The following ADAT3 variants were observed in gnomAD, a reference collection of about 807,000 sequenced individuals.
ADAT3 encodes the protein adenosine deaminase tRNA specific 3, also known as tRNA-specific adenosine-34 deaminase regulatory subunit ADAT3.
ADAT3 carries 2 observed loss-of-function variants against 3.5 expected under a neutral mutation model. The observed-to-expected ratio is 0.57, with a 90% CI of 0.23 to 1.79. The LOEUF (loss-of-function observed/expected upper bound fraction) is 1.79. Among genes scored for constraint, ADAT3 ranks in the 40% most tolerant of loss-of-function variants. The pLI is 0.18. For missense variants in ADAT3, 735 were observed against 571.4 expected (o/e 1.29, Z -2.92); for synonymous variants, 358 against 270.3 (o/e 1.32, Z -3.18).
In ADAT3 at chr19:1,912,348, G is replaced by C. The variant is rs761158668; in HGVS notation, c.301G>C (p.Gly101Arg). 22 of 1,532,252 alleles carry C rather than the reference G, an allele frequency of 1.4e-5. No homozygotes were observed. Among genetic ancestry groups the C allele is most frequent in the Admixed American group, 8.0e-5 (4 of 49,824 alleles). 94.9% of individuals were successfully genotyped at this position (1,532,252 alleles called of 1,614,324 possible). A position where few individuals can be genotyped will look rare whatever the true frequency, so the allele number is the denominator to read the frequency against. The change falls in exon 2 of 2, where the codon GGC (glycine) becomes CGC (arginine). Residue 101 changes from glycine to arginine, a missense_variant. By Grantham distance (125) the Gly-to-Arg change is moderately radical. Coordinates refer to ENST00000329478, the MANE Select transcript of ADAT3 (RefSeq NM_138422.4). The stretch of plus-strand genomic sequence containing the variant: ...GCGGGTGCGGCCCAGCCGCGATGCC[G>C]GCAGCCCCCACGCCCTGGAGATGCT... ...LKRVRPSRDA[G>R]SPHALEMLLC...
At chr19:1,910,338 G>C (rs897735969) in intron 1 of ADAT3, among the ~76,000 whole-genome samples, 3 of 152,214 alleles carry the variant, frequency 2.0e-5, no homozygotes, top group Non-Finnish European at 2.9e-5. Context: ...TGGCCCTTCT[G>C]TCTGGAAGCC....
intron 1 of ADAT3, among the ~76,000 whole-genome samples, chr19:1,909,013 G>A (rs2013290800): frequency 6.6e-6 from 1 of 152,082 alleles, no homozygotes; most frequent in South Asian, 2.1e-4. Context: ...GCTGAGGCAG[G>A]AGAATCGCTT....
At chr19:1,905,629 C>T (rs1321241805) in intron 1 of ADAT3, 190 bp downstream of exon 1, 1 of 160,440 alleles carries the variant, frequency 6.2e-6, no homozygotes, top group East Asian at 2.0e-4. Context: ...GGCGCGAATG[C>T]GCGTGCGCGC....
At position 1,913,138 on chromosome 19, in the gene ADAT3, A is replaced by G; in HGVS notation, c.1091A>G (p.Asp364Gly). The G allele has an allele frequency of 6.4e-7, 1 of 1,560,708 alleles. No individual in the cohort carries two copies. The highest frequency in any genetic ancestry group is 8.6e-7 in the Non-Finnish European group (1 of 1,157,132). Residue 364 changes from aspartate (D) to glycine (G), a missense_variant, in exon 2 of 2, where the codon GAC (aspartate) becomes GGC (glycine). Physicochemically the swap from Asp to Gly is moderately conservative, Grantham distance 94. Transcript: ENST00000329478. ...GVLEEQCRWLDPDT is the reference protein window; with the variant it reads ...GVLEEQCRWLGPDT Reference sequence around the variant, plus strand: ...CTGGAGGAGCAGTGCCGCTGGCTGGACCCCGACACGTAGGCGCCGCCCTCC... The same window carrying G: ...CTGGAGGAGCAGTGCCGCTGGCTGGGCCCCGACACGTAGGCGCCGCCCTCC...
intron 1 of ADAT3, chr19:1,905,685 C>G (rs2013073007): frequency 6.5e-6 from 1 of 154,656 alleles, no homozygotes; most frequent in African/African-American, 2.4e-5. Context: ...CCGCGCTCCC[C>G]CGGGCCTAGC....
chr19:1,912,178 C>T lies in ADAT3; in HGVS notation c.131C>T (p.Ala44Val). 8.2e-6 allele frequency: 13 copies of T among 1,578,392 alleles called. No homozygotes were observed. Among genetic ancestry groups the T allele is most frequent in the African/African-American group, 1.3e-5 (1 of 74,240 alleles). Residue 44 changes from alanine to valine, a missense_variant, in exon 2 of 2, where the codon GCC (alanine) becomes GTC (valine). Transcript: ENST00000329478. ...GAGCCTGAGCCGGCGCCGTGGCAGG[C>T]CCTCCCTGTCCTGTCCGAGAAGCAG... ...SPEPEPAPWQ[A>V]LPVLSEKQSG...
At position 1,912,072 on chromosome 19, in the gene ADAT3, C is replaced by G. The variant is rs982350552; in HGVS notation, c.25C>G (p.Leu9Val). The change falls in exon 2 of 2, where the codon CTC becomes GTC. Residue 9 changes from leucine to valine, a missense_variant. Physicochemically the swap from Leu to Val is conservative, Grantham distance 32 (BLOSUM62 1). Transcript: ENST00000329478. Reference sequence around the variant, plus strand: ...GATGATCCTCTGCTCCCGTCTCTGTCTCCCACAGTCGGCCTCGCTGAGGAT... The same window carrying G: ...GATGATCCTCTGCTCCCGTCTCTGTGTCCCACAGTCGGCCTCGCTGAGGAT... MILCSRLC[L>V]PQSASLRMEP... 1 of 1,447,262 alleles carries G rather than the reference C, an allele frequency of 6.9e-7. No individual in the cohort carries two copies. Among genetic ancestry groups the G allele is most frequent in the African/African-American group, 1.5e-5 (1 of 67,994 alleles). The allele number at this position is 1,447,262 out of a possible 1,614,324, so 89.7% of individuals were successfully genotyped here.
chr19:1,912,605 C>G lies in ADAT3; in HGVS notation c.558C>G (p.Arg186=). 1 of 1,484,360 alleles carries G rather than the reference C, an allele frequency of 6.7e-7. No homozygotes were observed. The highest frequency in any genetic ancestry group is 8.9e-7 in the Non-Finnish European group (1 of 1,124,052). The allele number at this position is 1,484,360 out of a possible 1,614,324, so 91.9% of individuals were successfully genotyped here. A position where few individuals can be genotyped will look rare whatever the true frequency, so the allele number is the denominator to read the frequency against. Residue 186 remains arginine (R), a synonymous_variant, in exon 2 of 2, where the codon CGC becomes CGG. Transcript: ENST00000329478. ...GGCGGCTCTTCTCCACGCAGGAGCG[C>G]GCCGCCATGCAGAGCCACATGGAGC... The part of the protein sequence containing the change: ...LAGRLFSTQE[R]AAMQSHMERA...
chr19:1,911,578 C>T (rs1024628551), intron 1 of ADAT3, among the ~76,000 whole-genome samples: 2 of 152,276 alleles, frequency 1.3e-5, no homozygotes, highest in Non-Finnish European at 2.9e-5. Context: ...GTTAGGAGTT[C>T]GAGACCAGCC....
In ADAT3 at chr19:1,912,220, T is replaced by A. The variant is rs1248994100; in HGVS notation, c.173T>A (p.Leu58Gln). 23 of 1,594,560 alleles carry A rather than the reference T, an allele frequency of 1.4e-5. No individual in the cohort carries two copies. The highest frequency in any genetic ancestry group is 2.0e-5 in the Non-Finnish European group (23 of 1,173,690). The change falls in exon 2 of 2, where the codon CTG becomes CAG. Residue 58 changes from leucine (L) to glutamine (Q), a missense_variant. Leu to Gln is a moderately radical substitution (Grantham distance 113, BLOSUM62 -2). Transcript: ENST00000329478. ...GAGAAGCAGTCAGGGGACGTGGAGC[T>A]GGTGCTGGCCTACGCCGCGCCCGTC... ...LSEKQSGDVE[L>Q]VLAYAAPVLD...
intron 1 of ADAT3, among the ~76,000 whole-genome samples, chr19:1,907,689 C>G (rs1361999661): frequency 6.6e-6 from 1 of 152,190 alleles, no homozygotes; most frequent in Admixed American, 6.5e-5. Flanking sequence ...GGTTCCCAGC[C>G]CAGGCTGGCG....
At position 1,913,284 on chromosome 19, in the gene ADAT3, C is replaced by A; in HGVS notation, c.*133C>A. 7.6e-7 allele frequency: 1 copy of A among 1,316,486 alleles called. No individual in the cohort carries two copies. Among genetic ancestry groups the A allele is most frequent in the Non-Finnish European group, 1.0e-6 (1 of 982,252 alleles). The allele number at this position is 1,316,486 out of a possible 1,614,324, so 81.6% of individuals were successfully genotyped here. A position where few individuals can be genotyped will look rare whatever the true frequency, so the allele number is the denominator to read the frequency against. On this transcript the variant is annotated 3_prime_UTR_variant, in exon 2 of 2. Coordinates refer to ENST00000329478, the MANE Select transcript of ADAT3 (RefSeq NM_138422.4). The stretch of plus-strand genomic sequence containing the variant: ...GACACATACCGCCTCCAGCGGGGAG[C>A]ACGGGTGCTGCCTTCCGTGCGGATC...
chr19:1,907,739 C>T (rs1383563581), intron 1 of ADAT3, among the ~76,000 whole-genome samples: 4 of 152,176 alleles, frequency 2.6e-5, no homozygotes, highest in Non-Finnish European at 5.9e-5. Context: ...GCTGCCTGCC[C>T]TCCTGAGGGG....
Position 1,905,469 on chromosome 19 carries a change from C to T in ADAT3, c.-159+30C>T, listed in dbSNP as rs1194667046. 1.1e-5 allele frequency: 5 copies of T among 453,438 alleles called. 1 individual carries two copies. Among genetic ancestry groups the T allele is most frequent in the African/African-American group, 2.1e-5 (1 of 48,436 alleles). 28.1% of individuals were successfully genotyped at this position (453,438 alleles called of 1,614,324 possible). Reference sequence around the variant, plus strand: ...GCGCGCGGCCCCGAGGTCTCGGGTTCTCCAGGCTCAGACTTCCCCAGAGGG... The same window carrying T: ...GCGCGCGGCCCCGAGGTCTCGGGTTTTCCAGGCTCAGACTTCCCCAGAGGG... On this transcript the variant is annotated intron_variant, in intron 1 of 1. Coordinates refer to ENST00000329478, the MANE Select transcript of ADAT3 (RefSeq NM_138422.4).
Position 1,913,241 on chromosome 19 carries a change from C to T in ADAT3, c.*90C>T. Reference sequence around the variant, plus strand: ...GGGCCTCGATTTCTTCCGCACAAGCCTGACCGTGGATTTCAGGGACACATA... The same window carrying T: ...GGGCCTCGATTTCTTCCGCACAAGCTTGACCGTGGATTTCAGGGACACATA... On this transcript the variant is annotated 3_prime_UTR_variant, in exon 2 of 2. Transcript: ENST00000329478. 6.9e-7 allele frequency: 1 copy of T among 1,441,114 alleles called. No homozygotes were observed. Among genetic ancestry groups the T allele is most frequent in the Non-Finnish European group, 9.1e-7 (1 of 1,093,154 alleles). The allele number at this position is 1,441,114 out of a possible 1,614,324, so 89.3% of individuals were successfully genotyped here.
At chr19:1,907,435 G>T (rs2013187699) in intron 1 of ADAT3, among the ~76,000 whole-genome samples, 1 of 152,024 alleles carries the variant, frequency 6.6e-6, no homozygotes, top group Non-Finnish European at 1.5e-5. Flanking sequence ...TTTCACAGGG[G>T]TGGAAGCCGA....
rs1432635359 is a variant in ADAT3, at chr19:1,912,634, C to G, written c.587C>G (p.Ala196Gly). ...GCCATGCAGAGCCACATGGAGCGGG[C>G]GGTGTGGGCGGCCCGGCGGGCAGCA... ...RAAMQSHMER[A>G]VWAARRAAAR... The change falls in exon 2 of 2, where the codon GCG becomes GGG. Residue 196 changes from alanine (A) to glycine (G), a missense_variant. Coordinates refer to ENST00000329478, the MANE Select transcript of ADAT3 (RefSeq NM_138422.4). 1 of 1,436,806 alleles carries G rather than the reference C, an allele frequency of 7.0e-7. No homozygotes were observed. The highest frequency in any genetic ancestry group is 9.1e-7 in the Non-Finnish European group (1 of 1,104,022). The allele number at this position is 1,436,806 out of a possible 1,614,324, so 89.0% of individuals were successfully genotyped here.
chr19:1,913,258 G>A lies in ADAT3; in HGVS notation c.*107G>A. ...GCACAAGCCTGACCGTGGATTTCAG[G>A]GACACATACCGCCTCCAGCGGGGAG... On this transcript the variant is annotated 3_prime_UTR_variant, in exon 2 of 2. Transcript: ENST00000329478. 7.1e-7 allele frequency: 1 copy of A among 1,416,842 alleles called. No homozygotes were observed. Among genetic ancestry groups the A allele is most frequent in the Non-Finnish European group, 9.3e-7 (1 of 1,072,094 alleles). 87.8% of individuals were successfully genotyped at this position (1,416,842 alleles called of 1,614,324 possible).
chr19:1,912,599 G>A lies in ADAT3; in HGVS notation c.552G>A (p.Gln184=). 1 of 1,488,380 alleles carries A rather than the reference G, an allele frequency of 6.7e-7. No individual in the cohort carries two copies. Among genetic ancestry groups the A allele is most frequent in the Non-Finnish European group, 8.9e-7 (1 of 1,125,872 alleles). The allele number at this position is 1,488,380 out of a possible 1,614,324, so 92.2% of individuals were successfully genotyped here. Residue 184 remains glutamine (Q), a synonymous_variant, in exon 2 of 2, where the codon CAG becomes CAA. Transcript: ENST00000329478. ...SALAGRLFST[Q]ERAAMQSHME... ...TGGCTGGGCGGCTCTTCTCCACGCA[G>A]GAGCGCGCCGCCATGCAGAGCCACA... is the stretch of plus-strand genomic sequence containing the variant.
Sources: gnomAD v4.1 joint callset for allele counts (sites outside exome capture counted in the v4.1 genomes callset) on GRCh38, gnomAD v4.1.1 for gene constraint, MANE v1.5 for transcripts, NCBI Gene and HGNC (gene_info 2026-07-23, HGNC 2026-07-21) for gene names.